JAK1: variants seen among roughly 807,000 people sequenced by gnomAD.
The protein encoded by JAK1 is tyrosine-protein kinase JAK1.
JAK1 carries 16 observed loss-of-function variants against 136.6 expected under a neutral mutation model. The ratio of observed to expected loss-of-function variants is 0.12; its 90% CI spans 0.08 to 0.18. The LOEUF (loss-of-function observed/expected upper bound fraction) is 0.18, where lower values mean the gene tolerates loss of function less well. Among genes scored for constraint, JAK1 ranks in the 10% least tolerant of loss-of-function variants. JAK1 has a pLI of 1.00. For synonymous variants in JAK1, 492 were observed against 519.5 expected, an observed-to-expected ratio of 0.95 and a Z score of 0.72; for missense variants, 859 against 1,450.1, an observed-to-expected ratio of 0.59 and a Z score of 6.62.
At chr1:64,989,002 G>GTATATA (rs57569640) in intron 2 of JAK1, among the ~76,000 whole-genome samples, 3,199 of 129,090 alleles carry the variant, frequency 0.025, 52 homozygotes, top group Non-Finnish European at 0.036. Context: ...GTGTGTGTGT[G>GTATATA]TATATATATA....
At chr1:65,007,242 A>C (rs1021424138) in intron 2 of JAK1, among the ~76,000 whole-genome samples, 1 of 152,202 alleles carries the variant, frequency 6.6e-6, no homozygotes, top group Non-Finnish European at 1.5e-5. Flanking sequence ...GAAAGGAAGA[A>C]GATCCGGGTG....
At chr1:64,877,850 G>A (rs951426512) in intron 4 of JAK1, among the ~76,000 whole-genome samples, 4 of 152,184 alleles carry the variant, frequency 2.6e-5, no homozygotes, top group African/African-American at 9.7e-5. Flanking sequence ...CCAATAGCCA[G>A]AAGGCTCAGC....
chr1:64,964,274 T>C (rs1474945707), intron 1 of JAK1, among the ~76,000 whole-genome samples: 1 of 152,212 alleles, frequency 6.6e-6, no homozygotes, highest in Non-Finnish European at 1.5e-5. Flanking sequence ...CATAAGGACA[T>C]ACAAAATGGG....
chr1:64,939,951 T>C (rs150120979), intron 1 of JAK1, among the ~76,000 whole-genome samples: 14 of 152,336 alleles, frequency 9.2e-5, no homozygotes, highest in African/African-American at 3.4e-4. Context: ...GAAGCACACA[T>C]AAAATATGAG....
intron 2 of JAK1, among the ~76,000 whole-genome samples, chr1:64,977,025 T>C (rs979345131): frequency 1.3e-5 from 2 of 152,204 alleles, no homozygotes; most frequent in African/African-American, 4.8e-5. Context: ...TTTGATCTGA[T>C]TGCTAAGAAG....
intron 2 of JAK1, among the ~76,000 whole-genome samples, chr1:65,017,570 A>C (rs989870218): frequency 4.6e-5 from 7 of 152,178 alleles, no homozygotes; most frequent in African/African-American, 1.7e-4. Flanking sequence ...CAACTGCAGA[A>C]AAAAATTCTG....
rs1656720484 is a variant in JAK1 at position 64,866,612 on chromosome 1, C to T, written c.990+254G>A. Among the ~76,000 whole-genome samples, 2 of 152,188 alleles carry T rather than the reference C, an allele frequency of 1.3e-5. 1 individual carries two copies. The highest frequency in any genetic ancestry group is 1.3e-4 in the Admixed American group (2 of 15,284). ...AAGTACTTGGCACATGGTAAACACT[C>T]AGGAACTATCTGCTATTATTATTAT... is the stretch of plus-strand genomic sequence containing the variant. On this transcript the variant is annotated intron_variant, in intron 7 of 24. Coordinates refer to ENST00000342505, the MANE Select transcript of JAK1 (RefSeq NM_002227.4).
Position 65,027,747 on chromosome 1 carries a change from T to C in JAK1, c.-78+16733A>G, listed in dbSNP as rs565719253. 3.3e-5 allele frequency among the ~76,000 whole-genome samples: 5 copies of C among 152,278 alleles called. No homozygotes were observed. In the South Asian group the frequency reaches 6.2e-4, roughly 19 times the overall value. On this transcript the variant is annotated intron_variant, in intron 2 of 25. Coordinates refer to the JAK1 transcript ENST00000671954. ...CTAATAGGGAGCTCTGGCACAAGGA[T>C]TGCCCTCAAAAAAGTCCCACGTTGC...
At chr1:65,065,221 G>A (rs1203397362) in intron 1 of JAK1, among the ~76,000 whole-genome samples, 1 of 152,166 alleles carries the variant, frequency 6.6e-6, no homozygotes, top group Non-Finnish European at 1.5e-5. Flanking sequence ...GTTTTTATAG[G>A]AGGGTCTTCT....
Position 64,984,197 on chromosome 1 carries a change from A to G in JAK1, c.-78+60283T>C, listed in dbSNP as rs1472033784. 6.6e-6 allele frequency among the ~76,000 whole-genome samples: 1 copy of G among 152,200 alleles called. No individual in the cohort carries two copies. Among genetic ancestry groups the G allele is most frequent in the African/African-American group, 2.4e-5 (1 of 41,446 alleles). ...TGTGTACAGCTGTATGGAAGTGAGG[A>G]AGGTGCTCTTACATAAACCCTGTCT... On this transcript the variant is annotated intron_variant, in intron 2 of 25. Transcript: ENST00000671954. This position sits in a 1 kb window ranked among gnomAD's most constrained non-coding sequence, Gnocchi z 4.1.
chr1:64,873,444 C>A lies in JAK1; in HGVS notation c.409G>T (p.Gly137Cys), dbSNP rs761624862. 2 of 1,614,172 alleles carry A rather than the reference C, an allele frequency of 1.2e-6. No individual in the cohort carries two copies. ...TCTGGAATCTTTTTTTTCTCGTAGC[C>A]ATTTTTCTGCTTCTTTGGAGAATGA... ...WRHSPKKQKN[G>C]YEKKKIPDAT... is the part of the protein sequence containing the mutation. The change falls in exon 5 of 25, where the codon GGC becomes TGC. Residue 137 changes from glycine to cysteine, a missense_variant. Gly to Cys is a radical substitution (Grantham distance 159). Transcript: ENST00000342505.
rs1359929179 is a variant in JAK1 at position 64,838,579 on chromosome 1, A to G, written c.2853T>C (p.Gly951=). The G allele has an allele frequency of 3.1e-6, 5 of 1,613,802 alleles. No individual in the cohort carries two copies. Among genetic ancestry groups the G allele is most frequent in the Admixed American group, 3.3e-5 (2 of 60,024 alleles). The stretch of plus-strand genomic sequence containing the variant: ...GCAGAAATTCCATGATGAGCTTAAT[A>G]CCATTTCCTCCTGTTTAGAAAAAAC... ...KGICTEDGGN[G]IKLIMEFLPS... Residue 951 remains glycine, a synonymous_variant, in exon 21 of 25, where the codon GGT becomes GGC. Transcript: ENST00000342505.
Position 64,966,522 on chromosome 1 carries a change from G to C in JAK1, c.-267C>G, listed in dbSNP as rs1314423431. 1 of 150,162 alleles carries C rather than the reference G, an allele frequency of 6.7e-6. No individual in the cohort carries two copies. The highest frequency in any genetic ancestry group is 1.5e-5 in the Non-Finnish European group (1 of 67,324). The allele number at this position is 150,162 out of a possible 1,614,324, so 9.3% of individuals were successfully genotyped here. On this transcript the variant is annotated 5_prime_UTR_variant, in exon 1 of 25. Coordinates refer to ENST00000342505, the MANE Select transcript of JAK1 (RefSeq NM_002227.4). The stretch of plus-strand genomic sequence containing the variant: ...TGTCTGCAGCTCCAGGATACTCCGC[G>C]GCCGCCGCGGCCTGCGCTCAGCGAC...
chr1:64,903,247 G>A (rs1448259435), intron 1 of JAK1, among the ~76,000 whole-genome samples: 1 of 152,102 alleles, frequency 6.6e-6, no homozygotes, highest in Non-Finnish European at 1.5e-5. Context: ...TGCTGGTCTC[G>A]AACTCCTGAC....
chr1:64,967,920 C>G (rs1646411766), upstream of JAK1, among the ~76,000 whole-genome samples: 1 of 152,168 alleles, frequency 6.6e-6, no homozygotes, highest in East Asian at 1.9e-4. Flanking sequence ...ACACTCTGAA[C>G]AACACCTCAG....
chr1:64,924,059 A>T (rs1460871257), intron 1 of JAK1, among the ~76,000 whole-genome samples: 2 of 152,212 alleles, frequency 1.3e-5, no homozygotes, highest in East Asian at 3.8e-4. Flanking sequence ...ACAACAACAG[A>T]ACAACTCTGA....
rs1244482593 is a variant in JAK1 at position 64,838,498 on chromosome 1, T to C, written c.2934A>G (p.Lys978=). 4 of 1,613,944 alleles carry C rather than the reference T, an allele frequency of 2.5e-6. No individual in the cohort carries two copies. The highest frequency in any genetic ancestry group is 2.5e-6 in the Non-Finnish European group (3 of 1,179,932). The change falls in exon 21 of 25, where the codon AAA becomes AAG. Residue 978 remains lysine (K), a synonymous_variant. Transcript: ENST00000342505. The part of the protein sequence containing the change: ...LPKNKNKINL[K]QQLKYAVQIC... ...TCTGAACGGCATATTTTAGCTGCTG[T>C]TTGAGGTTTATTTTGTTCTTATTCT...
Position 64,919,351 on chromosome 1 carries a change from G to GT in JAK1, c.-77-33011dup, listed in dbSNP as rs1201079206. Among the ~76,000 whole-genome samples, 7 of 152,212 alleles carry GT rather than the reference G, an allele frequency of 4.6e-5. No individual in the cohort carries two copies. The East Asian group carries it at 1.4e-3, about 29-fold the overall frequency. On this transcript the variant is annotated intron_variant, in intron 1 of 24. Coordinates refer to ENST00000342505, the MANE Select transcript of JAK1 (RefSeq NM_002227.4). The stretch of plus-strand genomic sequence containing the variant: ...TCCCTACAAAGGACATGAACTCATC[G>GT]TTTTTTATGGTTGCATAGTATTCCA...
chr1:64,902,350 T>G (rs1391020514), intron 1 of JAK1, among the ~76,000 whole-genome samples: 1 of 152,116 alleles, frequency 6.6e-6, no homozygotes, highest in African/African-American at 2.4e-5. Flanking sequence ...CTGTCATTTG[T>G]GCCATAGATG....
Sources: gnomAD v4.1 joint callset for allele counts (sites outside exome capture counted in the v4.1 genomes callset) on GRCh38, gnomAD v4.1.1 for gene constraint, Gnocchi (gnomAD v3.1) non-coding constraint, MANE v1.5 for transcripts, NCBI Gene and HGNC (gene_info 2026-07-23, HGNC 2026-07-21) for gene names.